The following EXT2 variants were observed in gnomAD, a reference collection of about 807,000 sequenced individuals.
The protein encoded by EXT2 is exostosin-2.
EXT2 carries 53 observed loss-of-function variants against 81.6 expected under a neutral mutation model. The observed-to-expected ratio is 0.65, with a 90% CI of 0.52 to 0.82. EXT2 has a LOEUF of 0.82. Among genes scored for constraint, EXT2 ranks in the 40% least tolerant of loss-of-function variants. The pLI, the probability that EXT2 is intolerant of heterozygous loss-of-function variation, is 0.00. For missense variants in EXT2, 774 were observed against 910.2 expected, an observed-to-expected ratio of 0.85 and a Z score of 1.93; for synonymous variants, 320 against 340.0, an observed-to-expected ratio of 0.94 and a Z score of 0.65.
chr11:44,114,336 A>G (rs775470845), intron 4 of EXT2, 35 bp downstream of exon 4: 1 of 1,574,756 alleles, frequency 6.4e-7, no homozygotes, highest in South Asian at 1.1e-5. Context: ...GTGTGCCTTT[A>G]CTGAATCTGT....
chr11:44,118,337 G>A (rs1042571424), intron 4 of EXT2, among the ~76,000 whole-genome samples: 13 of 151,866 alleles, frequency 8.6e-5, no homozygotes, highest in African/African-American at 2.9e-4. Context: ...CCTTTAGATA[G>A]CATATTGTGA....
Position 44,185,417 on chromosome 11 carries a change from T to C in EXT2, c.1306-12412T>C, listed in dbSNP as rs149571520. Among the ~76,000 whole-genome samples, 254 of 152,286 alleles carry C rather than the reference T, an allele frequency of 1.7e-3. 3 individuals carry two copies. Among genetic ancestry groups the C allele is most frequent in the Non-Finnish European group, 6.6e-4 (45 of 68,012 alleles). The stretch of plus-strand genomic sequence containing the variant: ...ATTTCTATGTTTTATAGCAAGAGGA[T>C]TTTGAAAAAGGAAGGCTTCATCTGT... On this transcript the variant is annotated intron_variant, in intron 8 of 13. Coordinates refer to ENST00000533608, the MANE Select transcript of EXT2 (RefSeq NM_207122.2).
intron 4 of EXT2, chr11:44,116,949 T>G (rs1590558623): frequency 6.6e-6 from 1 of 152,642 alleles, no homozygotes; most frequent in East Asian, 1.9e-4. Context: ...TCTCCCATTC[T>G]ATAGACTGCT....
intron 6 of EXT2, 71 bp from the exon 7 acceptor site, chr11:44,129,974 A>G: frequency 8.4e-7 from 1 of 1,196,548 alleles, no homozygotes; most frequent in South Asian, 1.2e-5. Context: ...GTGAAATGAA[A>G]CAAGACTGTG....
At chr11:44,203,070 T>C (rs934694672) in intron 9 of EXT2, among the ~76,000 whole-genome samples, 2 of 152,210 alleles carry the variant, frequency 1.3e-5, no homozygotes, top group Non-Finnish European at 2.9e-5. Flanking sequence ...TTCTTACCTA[T>C]TTTAAGTCTA....
intron 10 of EXT2, among the ~76,000 whole-genome samples, chr11:44,221,167 T>A (rs1350236632): frequency 2.0e-5 from 3 of 152,144 alleles, no homozygotes; most frequent in Non-Finnish European, 2.9e-5. Flanking sequence ...TCTCTCCTCC[T>A]CGAAGACCCC....
chr11:44,096,473 C>CT (rs1013135001), intron 1 of EXT2, among the ~76,000 whole-genome samples: 1 of 151,044 alleles, frequency 6.6e-6, no homozygotes, highest in African/African-American at 2.4e-5. Context: ...CACTAGGTGG[C>CT]TGGGGGCGTG....
At position 44,220,914 on chromosome 11, in the gene EXT2, T is replaced by A. The variant is rs1418690336; in HGVS notation, c.1663-11439T>A. On this transcript the variant is annotated intron_variant, in intron 10 of 13. Transcript: ENST00000533608. This position sits in a 1 kb window ranked among gnomAD's most constrained non-coding sequence, Gnocchi z 4.4. ...CCCATTGGAGAACAAGTCAAACAAA[T>A]GTTAAGGGAAGGAAATCAAATATGT... Among the ~76,000 whole-genome samples, 1 of 152,016 alleles carries A rather than the reference T, an allele frequency of 6.6e-6. No homozygotes were observed. The highest frequency in any genetic ancestry group is 2.4e-5 in the African/African-American group (1 of 41,390).
intron 2 of EXT2, 85 bp from the exon 3 acceptor site, chr11:44,109,109 T>A: frequency 6.9e-7 from 1 of 1,453,742 alleles, no homozygotes; most frequent in South Asian, 1.1e-5. Context: ...GGCTTGGGGA[T>A]CCTTGATAGT....
At position 44,220,026 on chromosome 11, in the gene EXT2, T is replaced by C. The variant is rs1448962532; in HGVS notation, c.1663-12327T>C. ...GGAATTAAAGTCTTTCTTTCTCTTA[T>C]CTGGATGGTGGCCTGTATCCAGAGT... On this transcript the variant is annotated intron_variant, in intron 10 of 13. Coordinates refer to ENST00000533608, the MANE Select transcript of EXT2 (RefSeq NM_207122.2). The surrounding 1 kb of genome is among the most constrained non-coding windows in gnomAD (Gnocchi z 4.4). 6.6e-6 allele frequency among the ~76,000 whole-genome samples: 1 copy of C among 152,196 alleles called. No individual in the cohort carries two copies. The highest frequency in any genetic ancestry group is 1.5e-5 in the Non-Finnish European group (1 of 68,038).
intron 9 of EXT2, among the ~76,000 whole-genome samples, chr11:44,205,999 T>C (rs1442151571): frequency 6.6e-6 from 1 of 152,068 alleles, no homozygotes; most frequent in Non-Finnish European, 1.5e-5. Context: ...TAAAGTAGAA[T>C]GGGAAAAAAA....
chr11:44,144,246 G>T, intron 7 of EXT2: 1 of 1,598,002 alleles, frequency 6.3e-7, no homozygotes, highest in Admixed American at 1.7e-5. Flanking sequence ...TCACCTTTCA[G>T]CTCTTCATGG....
At chr11:44,197,152 C>A (rs1210670366) in intron 8 of EXT2, among the ~76,000 whole-genome samples, 1 of 152,178 alleles carries the variant, frequency 6.6e-6, no homozygotes, top group Non-Finnish European at 1.5e-5. Flanking sequence ...GAGAGGAAAC[C>A]TCCCTTCTCT....
intron 4 of EXT2, among the ~76,000 whole-genome samples, chr11:44,115,127 T>C (rs1246319721): frequency 6.6e-6 from 1 of 152,234 alleles, no homozygotes; most frequent in Non-Finnish European, 1.5e-5. Context: ...GCTGCACACA[T>C]GATGCCCATC....
intron 7 of EXT2, among the ~76,000 whole-genome samples, chr11:44,167,962 C>G (rs1955017209): frequency 6.7e-6 from 1 of 149,108 alleles, no homozygotes. Context: ...TATCCCTCCC[C>G]CCTCCCCACT....
intron 1 of EXT2, among the ~76,000 whole-genome samples, chr11:44,100,035 T>C (rs1474792510): frequency 1.3e-5 from 2 of 152,158 alleles, no homozygotes; most frequent in Non-Finnish European, 2.9e-5. Context: ...GCTTTGGTTG[T>C]TGAATGATGT....
chr11:44,098,694 CA>C (rs781017263), intron 1 of EXT2, among the ~76,000 whole-genome samples: 8,217 of 72,412 alleles, frequency 0.11, 237 homozygotes, highest in African/African-American at 0.18. Flanking sequence ...GATTCTGTCT[CA>C]AAAAAAAAAA....
At position 44,235,064 on chromosome 11, in the gene EXT2, G is replaced by A. The variant is rs866426635; in HGVS notation, c.1935+821G>A. The stretch of plus-strand genomic sequence containing the variant: ...AGCCAGATTAAACCAAAGTGTATAG[G>A]GAATAGGAAAAATCACTATCTGTGC... On this transcript the variant is annotated intron_variant, in intron 12 of 13. Coordinates refer to ENST00000533608, the MANE Select transcript of EXT2 (RefSeq NM_207122.2). Among the ~76,000 whole-genome samples the A allele has an allele frequency of 1.1e-4, 16 of 152,094 alleles. No individual in the cohort carries two copies. The South Asian group carries it at 1.5e-3, about 14-fold the overall frequency.
Position 44,228,874 on chromosome 11 carries a change from A to G in EXT2, c.1663-3479A>G, listed in dbSNP as rs533515828. On this transcript the variant is annotated intron_variant, in intron 10 of 13. Transcript: ENST00000533608. ...TAATAATGTAATTATTATGGCTGCAAAAGTGGGGCTTGTAAAGAAGAATCC... is the reference window on the plus strand; with the variant it reads ...TAATAATGTAATTATTATGGCTGCAGAAGTGGGGCTTGTAAAGAAGAATCC... Among the ~76,000 whole-genome samples, 5 of 152,312 alleles carry G rather than the reference A, an allele frequency of 3.3e-5. No individual in the cohort carries two copies. The South Asian group carries it at 6.2e-4, about 19-fold the overall frequency.
Sources: allele counts gnomAD v4.1 joint callset (sites outside exome capture counted in the v4.1 genomes callset), GRCh38; gene constraint gnomAD v4.1.1; non-coding constraint Gnocchi (gnomAD v3.1); transcripts MANE v1.5; gene names NCBI Gene and HGNC (gene_info 2026-07-23, HGNC 2026-07-21).